The following GPATCH2L variants were observed in gnomAD, a reference collection of about 807,000 sequenced individuals.
GPATCH2L encodes G-patch domain containing 2 like, also known as G patch domain-containing protein 2-like.
Under a neutral mutation model 57.4 loss-of-function variants are expected in GPATCH2L, and 31 were observed. The observed-to-expected ratio is 0.54, with a 90% CI of 0.41 to 0.73. GPATCH2L has a LOEUF of 0.73. Among genes scored for constraint, GPATCH2L ranks in the 30% least tolerant of loss-of-function variants. GPATCH2L has a pLI of 0.00. For missense variants in GPATCH2L, 481 were observed against 599.9 expected (o/e 0.80, Z 2.07); for synonymous variants, 199 against 210.7 (o/e 0.94, Z 0.48).
chr14:76,216,827 C>T (rs2040491930), downstream of GPATCH2L, among the ~76,000 whole-genome samples: 1 of 151,996 alleles, frequency 6.6e-6, no homozygotes, highest in Non-Finnish European at 1.5e-5. Flanking sequence ...TAGGTGCATG[C>T]ATAGATTAAT....
At chr14:76,166,823 A>G (rs1178175586) in intron 3 of GPATCH2L, 96 bp downstream of exon 3, 2 of 876,534 alleles carry the variant, frequency 2.3e-6, no homozygotes, top group Non-Finnish European at 3.8e-6. Context: ...GTGACTGTCT[A>G]TGGCAGTGGT....
downstream of GPATCH2L, among the ~76,000 whole-genome samples, chr14:76,216,070 G>C (rs1438895041): frequency 2.0e-5 from 3 of 152,086 alleles, no homozygotes; most frequent in Non-Finnish European, 4.4e-5. Flanking sequence ...AGGTAAAGCA[G>C]GGCCTGCTCA....
intron 8 of GPATCH2L, among the ~76,000 whole-genome samples, chr14:76,182,879 C>T (rs1044119847): frequency 3.3e-5 from 5 of 152,138 alleles, no homozygotes; most frequent in African/African-American, 4.8e-5. Context: ...GGTGGTTGTG[C>T]TCAAGCTGTC....
chr14:76,169,863 G>A (rs1446581791), intron 3 of GPATCH2L, among the ~76,000 whole-genome samples: 1 of 152,150 alleles, frequency 6.6e-6, no homozygotes, highest in Non-Finnish European at 1.5e-5. Context: ...ATCTGGTTTC[G>A]TGAGATGCTT....
chr14:76,184,022 T>TGGGG lies in GPATCH2L; in HGVS notation c.1193+3175_1193+3176insGGGG, dbSNP rs113637385. Among the ~76,000 whole-genome samples the TGGGG allele has an allele frequency of 3.1e-3, 135 of 44,084 alleles. 1 individual carries two copies. The highest frequency in any genetic ancestry group is 8.2e-3 in the Admixed American group (36 of 4,414). 28.9% of individuals were successfully genotyped at this position (44,084 alleles called of 152,430 possible). Reference sequence around the variant, plus strand: ...GGAAATTTCACATGCATCATTAGCATGGTGTGTGTGTGTGTGTGTGTGTGT... The same window carrying TGGGG: ...GGAAATTTCACATGCATCATTAGCATGGGGGGTGTGTGTGTGTGTGTGTGTGTGT... On this transcript the variant is annotated intron_variant, in intron 8 of 9. Coordinates refer to ENST00000261530, the MANE Select transcript of GPATCH2L (RefSeq NM_017926.4).
At chr14:76,159,613 T>C (rs961567076) in intron 2 of GPATCH2L, among the ~76,000 whole-genome samples, 2 of 151,922 alleles carry the variant, frequency 1.3e-5, no homozygotes, top group African/African-American at 4.8e-5. Flanking sequence ...ATTCCAGGAG[T>C]GTGCCGTAAA....
chr14:76,195,344 AT>A (rs918066756), intron 8 of GPATCH2L, among the ~76,000 whole-genome samples: 4 of 152,098 alleles, frequency 2.6e-5, no homozygotes, highest in Non-Finnish European at 5.9e-5. Context: ...TAATATTTTT[AT>A]TTTTTTACCT....
rs191553380 is a variant in GPATCH2L, at chr14:76,200,841, C to T, written c.1289-850C>T. On this transcript the variant is annotated intron_variant, in intron 9 of 9. Transcript: ENST00000261530. ...GGAATTATTGGGTGACGGTAAAATC[C>T]AAACTTCCCTAGATTTTGCCATATT... Among the ~76,000 whole-genome samples, 11 of 152,200 alleles carry T rather than the reference C, an allele frequency of 7.2e-5. No homozygotes were observed. In the East Asian group the frequency reaches 1.9e-3, roughly 27 times the overall value.
rs887670382 is a variant in GPATCH2L at position 76,208,219 on chromosome 14, A to C, written c.*6368A>C. On this transcript the variant is annotated 3_prime_UTR_variant, in exon 10 of 10. Transcript: ENST00000261530. ...TCTGACCCTTGCTGACCCCTCAATC[A>C]AATGTTTTTAATTGAAAGGGGAAAG... The C allele has an allele frequency of 1.3e-5, 2 of 152,186 alleles. No individual in the cohort carries two copies. Among genetic ancestry groups the C allele is most frequent in the Non-Finnish European group, 2.9e-5 (2 of 68,030 alleles). 9.4% of individuals were successfully genotyped at this position (152,186 alleles called of 1,614,324 possible).
At position 76,203,471 on chromosome 14, in the gene GPATCH2L, A is replaced by G. The variant is rs1470072844; in HGVS notation, c.*1620A>G. Reference sequence around the variant, plus strand: ...CAGGGATGTTCCACCCCTGGTTCTCATGCAGTAGTGTGGGAGAGTGCTGAA... The same window carrying G: ...CAGGGATGTTCCACCCCTGGTTCTCGTGCAGTAGTGTGGGAGAGTGCTGAA... On this transcript the variant is annotated 3_prime_UTR_variant, in exon 10 of 10. Transcript: ENST00000261530. 1.3e-5 allele frequency: 2 copies of G among 152,256 alleles called. No homozygotes were observed. The highest frequency in any genetic ancestry group is 4.8e-5 in the African/African-American group (2 of 41,354). The allele number at this position is 152,256 out of a possible 1,614,324, so 9.4% of individuals were successfully genotyped here.
In GPATCH2L at chr14:76,177,697, G is replaced by GTTTTT. The variant is rs137962368; in HGVS notation, c.1053-286_1053-282dup. ...TTACAAGCCTTTTTCCTTTGAAGAG[G>GTTTTT]TTTTTTTTTGTTTTTGTTTTTGCAA... On this transcript the variant is annotated intron_variant, in intron 6 of 9. Transcript: ENST00000261530. Among the ~76,000 whole-genome samples, 220 of 127,320 alleles carry GTTTTT rather than the reference G, an allele frequency of 1.7e-3. 4 individuals carry two copies. The highest frequency in any genetic ancestry group is 3.7e-3 in the African/African-American group (121 of 32,726). 83.5% of individuals were successfully genotyped at this position (127,320 alleles called of 152,430 possible).
chr14:76,181,905 A>G (rs4903384), intron 8 of GPATCH2L, among the ~76,000 whole-genome samples: 31,223 of 152,070 alleles, frequency 0.21, 3,548 homozygotes, highest in African/African-American at 0.3. Context: ...TTCAGGCTGC[A>G]CAAAGAAGTT....
At chr14:76,185,166 T>G (rs2039719017) in intron 8 of GPATCH2L, among the ~76,000 whole-genome samples, 1 of 152,194 alleles carries the variant, frequency 6.6e-6, no homozygotes, top group Non-Finnish European at 1.5e-5. Flanking sequence ...TATGGATAGT[T>G]GGATTGTTGG....
chr14:76,221,112 A>T (rs949415090), intron 1 of GPATCH2L, among the ~76,000 whole-genome samples: 2 of 151,940 alleles, frequency 1.3e-5, no homozygotes, highest in East Asian at 3.8e-4. Flanking sequence ...CAAAAGACAC[A>T]TCTGATAAAG....
At chr14:76,233,786 A>G (rs2040585828) in intron 2 of GPATCH2L, among the ~76,000 whole-genome samples, 1 of 152,222 alleles carries the variant, frequency 6.6e-6, no homozygotes, top group South Asian at 2.1e-4. Context: ...TTCATAAATA[A>G]TAGGGTTTTT....
At chr14:76,167,604 C>T (rs1025385046) in intron 3 of GPATCH2L, among the ~76,000 whole-genome samples, 1 of 152,176 alleles carries the variant, frequency 6.6e-6, no homozygotes, top group African/African-American at 2.4e-5. Context: ...ACTGTGGGGC[C>T]AGCATCTTGT....
Position 76,211,422 on chromosome 14 carries a change from A to G in GPATCH2L, c.*9571A>G, listed in dbSNP as rs2040439498. Reference sequence around the variant, plus strand: ...AATATAGCTAGGCCCACTTATTGGTAGGAGCTACTGACATGTTAAAACTAG... The same window carrying G: ...AATATAGCTAGGCCCACTTATTGGTGGGAGCTACTGACATGTTAAAACTAG... On this transcript the variant is annotated 3_prime_UTR_variant, in exon 10 of 10. Coordinates refer to ENST00000261530, the MANE Select transcript of GPATCH2L (RefSeq NM_017926.4). The G allele has an allele frequency of 6.6e-6, 1 of 152,232 alleles. No individual in the cohort carries two copies. Among genetic ancestry groups the G allele is most frequent in the African/African-American group, 2.4e-5 (1 of 41,466 alleles). 9.4% of individuals were successfully genotyped at this position (152,232 alleles called of 1,614,324 possible). A position where few individuals can be genotyped will look rare whatever the true frequency, so the allele number is the denominator to read the frequency against.
intron 1 of GPATCH2L, among the ~76,000 whole-genome samples, chr14:76,222,994 G>A (rs928419774): frequency 2.6e-5 from 4 of 151,164 alleles, no homozygotes; most frequent in Admixed American, 2.6e-4. Flanking sequence ...AGTTGAATCT[G>A]TAACTATAAC....
chr14:76,166,066 T>C (rs993638259), intron 2 of GPATCH2L, among the ~76,000 whole-genome samples: 6 of 152,280 alleles, frequency 3.9e-5, no homozygotes, highest in Non-Finnish European at 8.8e-5. Flanking sequence ...ACAAAAGTTA[T>C]ATTTCAATGA....
Sources: gnomAD v4.1 joint callset for allele counts (sites outside exome capture counted in the v4.1 genomes callset) on GRCh38, gnomAD v4.1.1 for gene constraint, MANE v1.5 for transcripts, NCBI Gene and HGNC (gene_info 2026-07-23, HGNC 2026-07-21) for gene names.